Variants in C8orf34 observed in about 807,000 individuals in gnomAD.
C8orf34 encodes chromosome 8 open reading frame 34.
C8orf34 carries 65 observed loss-of-function variants against 68.3 expected under a neutral mutation model. The ratio of observed to expected loss-of-function variants is 0.95; its 90% CI spans 0.78 to 1.17. The LOEUF is 1.17. C8orf34 is among the 50% of genes most tolerant of loss of function. The pLI, the probability that C8orf34 is intolerant of heterozygous loss-of-function variation, is 0.00. For missense variants in C8orf34, 664 were observed against 655.4 expected, an observed-to-expected ratio of 1.01 and a Z score of -0.14; for synonymous variants, 244 against 241.2, an observed-to-expected ratio of 1.01 and a Z score of -0.11.
At chr8:68,404,964 G>C (rs1809127885) in intron 1 of C8orf34, among the ~76,000 whole-genome samples, 1 of 152,030 alleles carries the variant, frequency 6.6e-6, no homozygotes, top group Non-Finnish European at 1.5e-5. Context: ...GGGCAGTATG[G>C]CCATTTTCAC....
intron 1 of C8orf34, among the ~76,000 whole-genome samples, chr8:68,348,159 C>T (rs1296894851): frequency 6.6e-6 from 1 of 151,992 alleles, no homozygotes; most frequent in East Asian, 1.9e-4. Flanking sequence ...GGCAGGAGTC[C>T]ATCTTCAATC....
chr8:68,795,851 A>C (rs1167808738), intron 12 of C8orf34, among the ~76,000 whole-genome samples: 1 of 151,952 alleles, frequency 6.6e-6, no homozygotes, highest in Non-Finnish European at 1.5e-5. Context: ...AGCTGGTATC[A>C]CTCCCTTAGA....
intron 7 of C8orf34, among the ~76,000 whole-genome samples, chr8:68,564,827 T>C (rs1816536409): frequency 6.6e-6 from 1 of 152,144 alleles, no homozygotes; most frequent in Admixed American, 6.5e-5. Flanking sequence ...ATTGTTCTTC[T>C]GAAGTGAGAG....
intron 1 of C8orf34, among the ~76,000 whole-genome samples, chr8:68,344,841 G>A (rs892617459): frequency 3.9e-5 from 6 of 152,010 alleles, no homozygotes; most frequent in African/African-American, 1.4e-4. Flanking sequence ...TTTTATTGGG[G>A]GGGAGTAACA....
intron 10 of C8orf34, among the ~76,000 whole-genome samples, chr8:68,766,733 A>G (rs1236035028): frequency 6.6e-6 from 1 of 152,328 alleles, no homozygotes; most frequent in East Asian, 1.9e-4. Flanking sequence ...GGACTTTACA[A>G]TTATGCTGGT....
At chr8:68,434,076 T>C (rs1251880210) in intron 1 of C8orf34, among the ~76,000 whole-genome samples, 1 of 152,210 alleles carries the variant, frequency 6.6e-6, no homozygotes, top group Non-Finnish European at 1.5e-5. Context: ...TTATGTTCTC[T>C]AAGTTCTTTT....
At chr8:68,421,051 AT>A in intron 1 of C8orf34, among the ~76,000 whole-genome samples, 1 of 152,164 alleles carries the variant, frequency 6.6e-6, no homozygotes, top group South Asian at 2.1e-4. Context: ...TAACCCATAG[AT>A]TTAAAAGCCT....
chr8:68,433,907 C>T (rs548048837), intron 1 of C8orf34, among the ~76,000 whole-genome samples: 31 of 152,100 alleles, frequency 2.0e-4, no homozygotes, highest in South Asian at 1.7e-3. Flanking sequence ...CATTTTGAGA[C>T]GATCATTGTT....
At chr8:68,434,989 G>T (rs1240791992) in intron 1 of C8orf34, among the ~76,000 whole-genome samples, 3 of 151,342 alleles carry the variant, frequency 2.0e-5, no homozygotes, top group Non-Finnish European at 4.4e-5. Context: ...GCAGAGGTTT[G>T]CAGTGAGCTG....
At chr8:68,380,366 G>A (rs1271641534) in intron 1 of C8orf34, among the ~76,000 whole-genome samples, 1 of 152,202 alleles carries the variant, frequency 6.6e-6, no homozygotes, top group Non-Finnish European at 1.5e-5. Context: ...TAATTGGAGG[G>A]AATAAAAGAG....
chr8:68,429,225 T>C (rs556807302), intron 1 of C8orf34, among the ~76,000 whole-genome samples: 1 of 152,154 alleles, frequency 6.6e-6, no homozygotes, highest in South Asian at 2.1e-4. Context: ...AGGCATTAAG[T>C]AGAAAAATGG....
At chr8:68,777,147 G>T (rs1036958884) in intron 11 of C8orf34, among the ~76,000 whole-genome samples, 11 of 152,332 alleles carry the variant, frequency 7.2e-5, no homozygotes, top group Admixed American at 7.2e-4. Flanking sequence ...GTGATGTTAA[G>T]AACCGCCTAA....
chr8:68,591,268 A>G (rs1000568164), intron 7 of C8orf34, among the ~76,000 whole-genome samples: 7 of 152,190 alleles, frequency 4.6e-5, no homozygotes, highest in African/African-American at 1.7e-4. Context: ...AGTAGGGTAG[A>G]GACCATAAGA....
intron 5 of C8orf34, among the ~76,000 whole-genome samples, chr8:68,510,680 T>G (rs893527410): frequency 6.6e-6 from 1 of 152,230 alleles, no homozygotes; most frequent in Middle Eastern, 3.2e-3. Flanking sequence ...AAAATAGACT[T>G]TAATCTTATA....
chr8:68,482,397 C>G (rs1160319852), intron 4 of C8orf34, among the ~76,000 whole-genome samples: 1 of 152,142 alleles, frequency 6.6e-6, no homozygotes, highest in African/African-American at 2.4e-5. Flanking sequence ...GCTCTTTGCT[C>G]TAAAAGCAAT....
intron 8 of C8orf34, among the ~76,000 whole-genome samples, chr8:68,658,942 T>A (rs979209805): frequency 6.6e-6 from 1 of 152,190 alleles, no homozygotes; most frequent in Non-Finnish European, 1.5e-5. Context: ...AGGTGTAATC[T>A]TACCGTTTTA....
intron 7 of C8orf34, among the ~76,000 whole-genome samples, chr8:68,576,111 A>C (rs983724429): frequency 4.5e-4 from 68 of 151,556 alleles, no homozygotes; most frequent in African/African-American, 1.6e-3. Context: ...ATGCTAGATC[A>C]TTTACTTACC....
rs113788548 is a variant in C8orf34, at chr8:68,784,802, A to ATGTGTGTGTG, written c.1456-2625_1456-2616dup. On this transcript the variant is annotated intron_variant, in intron 11 of 13. Coordinates refer to ENST00000518698, the MANE Select transcript of C8orf34 (RefSeq NM_052958.4). ...CTTCCATCATTGTGTATGTGTGTGT[A>ATGTGTGTGTG]TGTGTGTGTGTGTGTGTGTGTGTGT... Among the ~76,000 whole-genome samples the ATGTGTGTGTG allele has an allele frequency of 4.2e-5, 6 of 144,500 alleles. No homozygotes were observed. The South Asian group carries it at 6.4e-4, about 15-fold the overall frequency. 94.8% of individuals were successfully genotyped at this position (144,500 alleles called of 152,430 possible). A position where few individuals can be genotyped will look rare whatever the true frequency, so the allele number is the denominator to read the frequency against.
chr8:68,749,427 C>G (rs914579180), intron 10 of C8orf34, among the ~76,000 whole-genome samples: 32 of 151,660 alleles, frequency 2.1e-4, no homozygotes, highest in Admixed American at 2.1e-3. Context: ...ACAGAAAGGA[C>G]AAATAGAAAG....
Sources: allele counts gnomAD v4.1 joint callset (sites outside exome capture counted in the v4.1 genomes callset), GRCh38; gene constraint gnomAD v4.1.1; transcripts MANE v1.5; gene names NCBI Gene and HGNC (gene_info 2026-07-23, HGNC 2026-07-21).